The following UNC5D variants were observed in gnomAD, a reference collection of about 807,000 sequenced individuals.
UNC5D encodes unc-5 netrin receptor D.
UNC5D carries 39 observed loss-of-function variants against 105.4 expected under a neutral mutation model. That is an observed-to-expected ratio of 0.37 (90% confidence interval 0.29 to 0.48). The LOEUF (loss-of-function observed/expected upper bound fraction) is 0.48. Among genes scored for constraint, UNC5D ranks in the 20% least tolerant of loss-of-function variants. The probability of loss-of-function intolerance (pLI) is 0.98; values close to 1 mark genes in which losing one functional copy is unlikely to be tolerated. For missense variants in UNC5D, 991 were observed against 1,202.4 expected (o/e 0.82, Z 2.60); for synonymous variants, 452 against 450.4 (o/e 1.00, Z -0.04).
chr8:35,544,020 C>A (rs1408548357), intron 1 of UNC5D, among the ~76,000 whole-genome samples: 1 of 152,132 alleles, frequency 6.6e-6, no homozygotes, highest in Non-Finnish European at 1.5e-5. Flanking sequence ...GAGTCAGAGA[C>A]CTGCATTCAA....
At chr8:35,621,802 A>G (rs1035684549) in intron 4 of UNC5D, among the ~76,000 whole-genome samples, 11 of 152,204 alleles carry the variant, frequency 7.2e-5, no homozygotes, top group African/African-American at 2.4e-4. Context: ...TTCCTGGAGC[A>G]TGTGCCTGAG....
rs528139685 is a variant in UNC5D, at chr8:35,394,605, A to T, written c.104-154687A>T. 9.2e-5 allele frequency among the ~76,000 whole-genome samples: 14 copies of T among 152,066 alleles called. 1 individual carries two copies. Among genetic ancestry groups the T allele is most frequent in the African/African-American group, 3.4e-4 (14 of 41,534 alleles). ...TTTTCATTTTGTAAAAAAAAAAAAA[A>T]TTAGGAAGCCTGGTGAATTTATGGT... On this transcript the variant is annotated intron_variant, in intron 1 of 16. Transcript: ENST00000404895.
intron 8 of UNC5D, among the ~76,000 whole-genome samples, chr8:35,707,016 G>A (rs1389644028): frequency 6.6e-6 from 1 of 152,222 alleles, no homozygotes; most frequent in African/African-American, 2.4e-5. Context: ...TGTAAAGCTT[G>A]TGAAAGACGT....
chr8:35,695,290 T>G (rs1826680707), intron 7 of UNC5D, among the ~76,000 whole-genome samples: 1 of 152,180 alleles, frequency 6.6e-6, no homozygotes, highest in Admixed American at 6.5e-5. Flanking sequence ...GATTTGGTCC[T>G]GAGAAGGTGA....
intron 1 of UNC5D, among the ~76,000 whole-genome samples, chr8:35,329,897 TGTAATA>T (rs946064394): frequency 6.6e-6 from 1 of 152,140 alleles, no homozygotes; most frequent in African/African-American, 2.4e-5. Context: ...TTATTCAACT[TGTAATA>T]ATAATAATGG....
chr8:35,692,278 C>A (rs576362139), intron 7 of UNC5D, among the ~76,000 whole-genome samples: 1 of 152,306 alleles, frequency 6.6e-6, no homozygotes, highest in Non-Finnish European at 1.5e-5. Context: ...CAATGATCTA[C>A]TTAAATGACC....
intron 1 of UNC5D, among the ~76,000 whole-genome samples, chr8:35,486,273 C>A (rs1810816878): frequency 6.6e-6 from 1 of 152,072 alleles, no homozygotes; most frequent in Admixed American, 6.6e-5. Flanking sequence ...GGCTAAATTC[C>A]CTTTGCAATA....
intron 3 of UNC5D, among the ~76,000 whole-genome samples, chr8:35,580,502 G>A (rs1407366938): frequency 2.0e-5 from 3 of 151,940 alleles, no homozygotes; most frequent in Non-Finnish European, 4.4e-5. Context: ...ATCTGTAAAT[G>A]GTCAAGGGGT....
At chr8:35,302,177 A>G (rs755586348) in intron 1 of UNC5D, among the ~76,000 whole-genome samples, 10 of 152,220 alleles carry the variant, frequency 6.6e-5, no homozygotes, top group Non-Finnish European at 8.8e-5. Context: ...ATATTTATTT[A>G]GCATTGAGCA....
chr8:35,339,048 G>A (rs1390996712), intron 1 of UNC5D, among the ~76,000 whole-genome samples: 1 of 152,098 alleles, frequency 6.6e-6, no homozygotes, highest in African/African-American at 2.4e-5. Context: ...TGATAACTTA[G>A]TTGGAAAAGA....
At chr8:35,428,241 G>A (rs983498895) in intron 1 of UNC5D, among the ~76,000 whole-genome samples, 11 of 151,598 alleles carry the variant, frequency 7.3e-5, no homozygotes, top group East Asian at 5.8e-4. Context: ...GCACAGTGGC[G>A]CCATCTCAGC....
chr8:35,488,147 C>A (rs930420578), intron 1 of UNC5D, among the ~76,000 whole-genome samples: 1 of 152,032 alleles, frequency 6.6e-6, no homozygotes, highest in Non-Finnish European at 1.5e-5. Flanking sequence ...GAGAGCATAC[C>A]AAAGGTGGTG....
At position 35,783,433 on chromosome 8, in the gene UNC5D, C is replaced by T. The variant is rs188625092; in HGVS notation, c.2658-6926C>T. On this transcript the variant is annotated intron_variant, in intron 16 of 16. Transcript: ENST00000404895. ...TACAGCTTGCAAATAGGTAGACTGT[C>T]CTCCTGGTACCATGGTTCTGAGTAA... Among the ~76,000 whole-genome samples, 714 of 152,214 alleles carry T rather than the reference C, an allele frequency of 4.7e-3. 4 individuals carry two copies. The highest frequency in any genetic ancestry group is 0.02 in the Middle Eastern group (6 of 294).
chr8:35,249,594 A>C lies in UNC5D; in HGVS notation c.103+13707A>C, dbSNP rs1355443814. On this transcript the variant is annotated intron_variant, in intron 1 of 16. Transcript: ENST00000404895. ...AATAATAATAATAATAATAATAATAATAATAATAAAATAAATAAATAAAAA... is the reference window on the plus strand; with the variant it reads ...AATAATAATAATAATAATAATAATACTAATAATAAAATAAATAAATAAAAA... Among the ~76,000 whole-genome samples the C allele has an allele frequency of 2.9e-5, 3 of 103,352 alleles. No individual in the cohort carries two copies. The East Asian group carries it at 1.1e-3, about 38-fold the overall frequency. 67.8% of individuals were successfully genotyped at this position (103,352 alleles called of 152,430 possible). A position where few individuals can be genotyped will look rare whatever the true frequency, so the allele number is the denominator to read the frequency against.
chr8:35,263,124 G>A (rs1804601708), intron 1 of UNC5D, among the ~76,000 whole-genome samples: 1 of 152,002 alleles, frequency 6.6e-6, no homozygotes, highest in Admixed American at 6.6e-5. Flanking sequence ...TTTTTTAAGA[G>A]ACAAAGTTGC....
chr8:35,494,176 T>C (rs543170411), intron 1 of UNC5D, among the ~76,000 whole-genome samples: 86 of 152,264 alleles, frequency 5.6e-4, no homozygotes, highest in Non-Finnish European at 1.0e-3. Context: ...CTACCTTTTC[T>C]GTGAAATTAT....
chr8:35,533,688 C>G (rs2130570237), intron 1 of UNC5D, among the ~76,000 whole-genome samples: 1 of 152,332 alleles, frequency 6.6e-6, no homozygotes, highest in Admixed American at 6.5e-5. Context: ...GCTGTGCTAG[C>G]AATCAGCGAG....
chr8:35,332,614 T>A (rs2128894823), intron 1 of UNC5D, among the ~76,000 whole-genome samples: 1 of 152,356 alleles, frequency 6.6e-6, no homozygotes, highest in East Asian at 1.9e-4. Context: ...AATTGAGCAA[T>A]TTAATTGTAT....
At chr8:35,370,061 G>T (rs973982955) in intron 1 of UNC5D, among the ~76,000 whole-genome samples, 1 of 152,098 alleles carries the variant, frequency 6.6e-6, no homozygotes, top group Non-Finnish European at 1.5e-5. Flanking sequence ...GTTGGTGATA[G>T]ACTTTTTATG....
Sources: allele counts gnomAD v4.1 joint callset (sites outside exome capture counted in the v4.1 genomes callset), GRCh38; gene constraint gnomAD v4.1.1; transcripts MANE v1.5; gene names NCBI Gene and HGNC (gene_info 2026-07-23, HGNC 2026-07-21).